SLIT3: variants seen among roughly 807,000 people sequenced by gnomAD.
SLIT3 encodes the protein slit homolog 3 protein.
SLIT3 carries 68 observed loss-of-function variants against 184.0 expected under a neutral mutation model. The ratio of observed to expected loss-of-function variants is 0.37; its 90% confidence interval spans 0.30 to 0.45. The LOEUF (loss-of-function observed/expected upper bound fraction) is 0.45. Among genes scored for constraint, SLIT3 ranks in the 20% least tolerant of loss-of-function variants. SLIT3 has a pLI of 1.00. For missense variants in SLIT3, 1,707 were observed against 2,026.0 expected (o/e 0.84, Z 3.02); for synonymous variants, 831 against 828.6 (o/e 1.00, Z -0.05).
At position 168,722,992 on chromosome 5, in the gene SLIT3, G is replaced by A; in HGVS notation, c.2352C>T (p.Asn784=). The A allele has an allele frequency of 6.2e-7, 1 of 1,613,736 alleles. No individual in the cohort carries two copies. Among genetic ancestry groups the A allele is most frequent in the Non-Finnish European group, 8.5e-7 (1 of 1,179,644 alleles). ...AATTGGTCAGCATGCTGATGCTGTT[G>A]TTGCTCAGGTCACTAGGAAAAGTAA... ...LRHLTLIDLS[N]NSISMLTNYT... Residue 784 remains asparagine, a synonymous_variant, in exon 22 of 36, where the codon AAC becomes AAT. Transcript: ENST00000519560.
chr5:169,143,666 T>C (rs1285310124), intron 4 of SLIT3, among the ~76,000 whole-genome samples: 1 of 152,154 alleles, frequency 6.6e-6, no homozygotes, highest in Admixed American at 6.5e-5. Flanking sequence ...TCGGGCATTG[T>C]GGTGCATGCC....
At chr5:169,093,389 C>T (rs900190578) in intron 4 of SLIT3, among the ~76,000 whole-genome samples, 4 of 146,118 alleles carry the variant, frequency 2.7e-5, no homozygotes, top group African/African-American at 1.0e-4. Flanking sequence ...GATTTGAGTC[C>T]AGTAAATCTA....
At chr5:168,984,262 G>A (rs909523311) in intron 4 of SLIT3, among the ~76,000 whole-genome samples, 5 of 152,262 alleles carry the variant, frequency 3.3e-5, no homozygotes, top group Admixed American at 3.3e-4. Context: ...AGCACGGGTA[G>A]GGGCAAGAAC....
chr5:168,795,503 T>C lies in SLIT3; in HGVS notation c.1007+4A>G, dbSNP rs1344967361. ...GGGCCCATTTCTCCACAGGGGAAAC[T>C]CACATTCGCTTCAGTTTCTTGTACT... On this transcript the variant is annotated splice_donor_region_variant and intron_variant, in intron 10 of 35. Transcript: ENST00000519560. 1 of 1,610,946 alleles carries C rather than the reference T, an allele frequency of 6.2e-7. No homozygotes were observed. The highest frequency in any genetic ancestry group is 8.5e-7 in the Non-Finnish European group (1 of 1,177,198).
At chr5:169,097,746 G>A (rs1759842326) in intron 4 of SLIT3, among the ~76,000 whole-genome samples, 1 of 152,164 alleles carries the variant, frequency 6.6e-6, no homozygotes, top group Admixed American at 6.5e-5. Flanking sequence ...CTGGTGCCTT[G>A]GAGCTTGCTC....
intron 5 of SLIT3, chr5:168,844,903 T>C: frequency 4.1e-6 from 2 of 489,610 alleles, no homozygotes; most frequent in Non-Finnish European, 7.3e-6. Context: ...CGCATTTTTT[T>C]TTTTTTTTTT....
At chr5:169,156,988 G>C (rs1762331745) in intron 4 of SLIT3, among the ~76,000 whole-genome samples, 1 of 152,090 alleles carries the variant, frequency 6.6e-6, no homozygotes, top group Non-Finnish European at 1.5e-5. Flanking sequence ...AAAACTTGAA[G>C]ACAATAATCA....
chr5:169,038,901 G>A (rs1757352105), intron 4 of SLIT3, among the ~76,000 whole-genome samples: 6 of 152,112 alleles, frequency 3.9e-5, no homozygotes, highest in Admixed American at 3.9e-4. Context: ...GGCTGGCCTG[G>A]GTAGGTTTTG....
At chr5:169,187,738 G>A (rs1763404746) in intron 4 of SLIT3, among the ~76,000 whole-genome samples, 1 of 151,752 alleles carries the variant, frequency 6.6e-6, no homozygotes, top group Non-Finnish European at 1.5e-5. Flanking sequence ...ATTTTTAGTA[G>A]AGACGGGGTT....
intron 4 of SLIT3, among the ~76,000 whole-genome samples, chr5:168,929,360 T>C (rs1181810947): frequency 6.6e-6 from 1 of 152,278 alleles, no homozygotes; most frequent in African/African-American, 2.4e-5. Context: ...TTAAACTTTT[T>C]ATTTTATGTG....
chr5:169,225,088 A>C (rs1200221379), intron 3 of SLIT3, among the ~76,000 whole-genome samples: 1 of 152,200 alleles, frequency 6.6e-6, no homozygotes, highest in Non-Finnish European at 1.5e-5. Flanking sequence ...TAATAAGGAT[A>C]CTCAAAATAA....
intron 35 of SLIT3, among the ~76,000 whole-genome samples, chr5:168,668,653 C>T (rs1761133785): frequency 6.6e-6 from 1 of 152,194 alleles, no homozygotes; most frequent in African/African-American, 2.4e-5. Context: ...TGCAGTGGTG[C>T]ATTCATTGCA....
chr5:168,789,607 C>G lies in SLIT3; in HGVS notation c.1032G>C (p.Ser344=). 1 of 1,613,692 alleles carries G rather than the reference C, an allele frequency of 6.2e-7. No homozygotes were observed. Among genetic ancestry groups the G allele is most frequent in the South Asian group, 1.1e-5 (1 of 90,932 alleles). Residue 344 remains serine, a synonymous_variant, in exon 11 of 36, where the codon TCG becomes TCC. Transcript: ENST00000519560. ...CCTGGAAGGCATCTGGAGCAATATC[C>G]GATATCTGATTCTTGCTGATGTCTC... ...KRIDISKNQI[S]DIAPDAFQGL...
chr5:169,226,351 G>A (rs946113267), intron 3 of SLIT3, among the ~76,000 whole-genome samples: 1 of 151,936 alleles, frequency 6.6e-6, no homozygotes, highest in Non-Finnish European at 1.5e-5. Flanking sequence ...TTCTTCCCCT[G>A]ACCCTTCCCA....
chr5:169,061,532 G>A (rs908751208), intron 4 of SLIT3, among the ~76,000 whole-genome samples: 16 of 152,298 alleles, frequency 1.1e-4, no homozygotes, highest in Non-Finnish European at 1.6e-4. Flanking sequence ...ATCACCCAAG[G>A]CGAGGACTGG....
At chr5:169,031,539 C>T (rs1323354236) in intron 4 of SLIT3, among the ~76,000 whole-genome samples, 6 of 152,136 alleles carry the variant, frequency 3.9e-5, no homozygotes, top group Admixed American at 2.6e-4. Flanking sequence ...GAGGTTACAC[C>T]GAAGCTAGAT....
chr5:169,210,083 T>A (rs1764210527), intron 3 of SLIT3, among the ~76,000 whole-genome samples: 5 of 152,158 alleles, frequency 3.3e-5, no homozygotes, highest in Non-Finnish European at 7.3e-5. Flanking sequence ...AAGCCCCGTG[T>A]GAACATGTGA....
chr5:169,172,563 A>G (rs891437920), intron 4 of SLIT3, among the ~76,000 whole-genome samples: 2 of 152,186 alleles, frequency 1.3e-5, no homozygotes, highest in Non-Finnish European at 2.9e-5. Context: ...AATTTATTTG[A>G]CCAGGATCCT....
At chr5:168,859,802 T>C (rs888838343) in intron 5 of SLIT3, among the ~76,000 whole-genome samples, 1 of 152,118 alleles carries the variant, frequency 6.6e-6, no homozygotes, top group Admixed American at 6.6e-5. Context: ...TTTGTTTTAT[T>C]TGGGAGTGGG....
Sources: gnomAD v4.1 joint callset for allele counts (sites outside exome capture counted in the v4.1 genomes callset) on GRCh38, gnomAD v4.1.1 for gene constraint, MANE v1.5 for transcripts, NCBI Gene and HGNC (gene_info 2026-07-23, HGNC 2026-07-21) for gene names.